FAT1: variants seen among roughly 807,000 people sequenced by gnomAD.
FAT1 encodes protocadherin Fat 1.
Under a neutral mutation model 329.8 loss-of-function variants are expected in FAT1, and 171 were observed. The observed-to-expected ratio is 0.52, with a 90% CI of 0.46 to 0.59. FAT1 has a LOEUF of 0.59. FAT1 is among the 20% of genes least tolerant of loss of function. FAT1 has a pLI of 0.00. For synonymous variants in FAT1, 2,233 were observed against 2,228.6 expected (o/e 1.00, Z -0.06); for missense variants, 5,672 against 5,774.4 (o/e 0.98, Z 0.57).
upstream of FAT1, chr4:186,726,384 TA>T (rs1745720558): frequency 1.3e-5 from 2 of 152,268 alleles, no homozygotes; most frequent in Admixed American, 1.3e-4. Flanking sequence ...CCCTGGGCTC[TA>T]AAGTCCTCGG....
intron 1 of FAT1, among the ~76,000 whole-genome samples, chr4:186,717,012 C>A (rs915516656): frequency 2.6e-5 from 4 of 152,122 alleles, no homozygotes; most frequent in Non-Finnish European, 1.5e-5. Flanking sequence ...AGTCATCCAC[C>A]CACCTCAGCC....
chr4:186,667,866 C>T (rs1016630048), intron 2 of FAT1, among the ~76,000 whole-genome samples: 3 of 152,156 alleles, frequency 2.0e-5, no homozygotes, highest in Admixed American at 6.5e-5. Context: ...GGAGCTGAGC[C>T]GGACAGTCTG....
chr4:186,706,504 T>C, intron 2 of FAT1, 59 bp downstream of exon 2: 1 of 1,397,256 alleles, frequency 7.2e-7, no homozygotes, highest in Non-Finnish European at 9.7e-7. Flanking sequence ...GGGCAGATGG[T>C]TAAAAAAAAA....
chr4:186,643,678 C>CG (rs773847750), intron 3 of FAT1, among the ~76,000 whole-genome samples: 19 of 152,236 alleles, frequency 1.2e-4, no homozygotes, highest in Admixed American at 3.3e-4. Context: ...CCTAACACCC[C>CG]GGGGAACGCT....
At chr4:186,593,606 G>A (rs748795069) in intron 26 of FAT1, among the ~76,000 whole-genome samples, 4 of 152,152 alleles carry the variant, frequency 2.6e-5, no homozygotes, top group African/African-American at 7.2e-5. Context: ...AGTTACGGCT[G>A]GGGGGAGCTC....
chr4:186,646,728 A>G (rs1217196958), intron 3 of FAT1, among the ~76,000 whole-genome samples: 1 of 50 alleles, frequency 0.02, no homozygotes, highest in Non-Finnish European at 0.071. Context: ...CCTACATAGA[A>G]AAAAAAAAAA....
chr4:186,677,583 T>A (rs1310371049), intron 2 of FAT1, among the ~76,000 whole-genome samples: 1 of 152,092 alleles, frequency 6.6e-6, no homozygotes, highest in Non-Finnish European at 1.5e-5. Context: ...CACACCTGTA[T>A]GTATCAGGAT....
intron 24 of FAT1, 24 bp from the exon 25 acceptor site, chr4:186,597,195 G>A (rs765693916): frequency 2.5e-6 from 4 of 1,574,396 alleles, no homozygotes; most frequent in Non-Finnish European, 3.4e-6. Flanking sequence ...CAGGAATGAG[G>A]AGAGACCTCT....
intron 25 of FAT1, 30 bp from the exon 26 acceptor site, chr4:186,595,856 T>A (rs566237123): frequency 6.2e-7 from 1 of 1,612,856 alleles, no homozygotes; most frequent in Non-Finnish European, 8.5e-7. Context: ...ACAGTAAGTA[T>A]ATGGGCCAAG....
rs1295290445 is a variant in FAT1 at position 186,601,309 on chromosome 4, A to G, written c.11600T>C (p.Val3867Ala). 1 of 1,611,152 alleles carries G rather than the reference A, an allele frequency of 6.2e-7. No individual in the cohort carries two copies. Among genetic ancestry groups the G allele is most frequent in the Non-Finnish European group, 8.5e-7 (1 of 1,177,624 alleles). ...GTCAGTTCCTCGAGCATACATGACA[A>G]CCGCATGCGTGGAATATGTTCTGAG... ...MRLRTYSTHA[V>A]VMYARGTDYS... The change falls in exon 21 of 27, where the codon GTT (valine) becomes GCT (alanine). Residue 3867 changes from valine (V) to alanine (A), a missense_variant. Val to Ala is a moderately conservative substitution (Grantham distance 64). This residue lies in a region of FAT1 where 1,706 missense variants were observed against 1,859.1 expected (regional missense o/e 0.92). Coordinates refer to ENST00000441802, the MANE Select transcript of FAT1 (RefSeq NM_005245.4).
At chr4:186,716,515 C>T (rs1745211883) in intron 1 of FAT1, among the ~76,000 whole-genome samples, 1 of 152,044 alleles carries the variant, frequency 6.6e-6, no homozygotes, top group African/African-American at 2.4e-5. Flanking sequence ...GCAGCACCAA[C>T]CTTCCAGGCT....
chr4:186,601,968 T>C (rs2126420139), intron 20 of FAT1, among the ~76,000 whole-genome samples: 1 of 152,296 alleles, frequency 6.6e-6, no homozygotes, highest in South Asian at 2.1e-4. Flanking sequence ...TGAATGTTAA[T>C]ACTCCTAATA....
rs1024878789 is a variant in FAT1, at chr4:186,628,697, C to T, written c.4390G>A (p.Val1464Ile). ...TCTGGCGCTGTATCTTCAGGAATAA[C>T]AACTTCATACTTTGATGTAGAAAAC... ...PQFSTSKYEV[V>I]IPEDTAPETE... Residue 1464 changes from valine (V) to isoleucine (I), a missense_variant, in exon 8 of 27, where the codon GTT becomes ATT. Transcript: ENST00000441802. The T allele has an allele frequency of 6.2e-7, 1 of 1,613,944 alleles. No individual in the cohort carries two copies. The highest frequency in any genetic ancestry group is 8.5e-7 in the Non-Finnish European group (1 of 1,179,874).
rs370663757 is a variant in FAT1, at chr4:186,667,377, C to T, written c.3266-3764G>A. 1.2e-4 allele frequency among the ~76,000 whole-genome samples: 19 copies of T among 152,246 alleles called. No homozygotes were observed. In the East Asian group the frequency reaches 1.5e-3, roughly 12 times the overall value. On this transcript the variant is annotated intron_variant, in intron 2 of 26. Transcript: ENST00000441802. The stretch of plus-strand genomic sequence containing the variant: ...AAAGGTTAAGACTGAGGCAACAAAG[C>T]GACTCTATTCAAATATCGGAGATTG...
rs140693328 is a variant in FAT1, at chr4:186,682,812, C to T, written c.3266-19199G>A. On this transcript the variant is annotated intron_variant, in intron 2 of 26. Transcript: ENST00000441802. Reference sequence around the variant, plus strand: ...TCCATGTCATCAGTGACTACAAACACCACTGAGGGCCCCAAGGGGGAACCA... The same window carrying T: ...TCCATGTCATCAGTGACTACAAACATCACTGAGGGCCCCAAGGGGGAACCA... Among the ~76,000 whole-genome samples the T allele has an allele frequency of 1.5e-4, 23 of 152,300 alleles. No individual in the cohort carries two copies. In the East Asian group the frequency reaches 4.3e-3, roughly 28 times the overall value.
intron 3 of FAT1, among the ~76,000 whole-genome samples, chr4:186,656,748 C>A (rs1741922203): frequency 6.6e-6 from 1 of 152,068 alleles, no homozygotes; most frequent in South Asian, 2.1e-4. Context: ...AGAAACATAA[C>A]CAGGATATTG....
chr4:186,707,259 C>T lies in FAT1; in HGVS notation c.2569G>A (p.Val857Met), dbSNP rs1425439780. 3.7e-6 allele frequency: 6 copies of T among 1,613,854 alleles called. No homozygotes were observed. The highest frequency in any genetic ancestry group is 1.3e-5 in the African/African-American group (1 of 74,928). The part of the protein sequence containing the change: ...TDKDLGPNGH[V>M]TYSIVTDTDT... The stretch of plus-strand genomic sequence containing the variant: ...GTGTCTGTAACAATTGAGTACGTCA[C>T]GTGTCCGTTGGGCCCCAGGTCTTTA... Residue 857 changes from valine (V) to methionine (M), a missense_variant, in exon 2 of 27, where the codon GTG becomes ATG. Around this residue, in one of 2 missense-constraint regions of FAT1, gnomAD observed 3,966 missense variants for 3,915.2 expected, o/e 1.01. Transcript: ENST00000441802.
chr4:186,670,989 T>C (rs1742700413), intron 2 of FAT1, among the ~76,000 whole-genome samples: 1 of 152,178 alleles, frequency 6.6e-6, no homozygotes, highest in African/African-American at 2.4e-5. Context: ...GTCAACAACG[T>C]GAGAAGCTGG....
chr4:186,638,060 G>C (rs911902512), intron 4 of FAT1, among the ~76,000 whole-genome samples: 1 of 152,112 alleles, frequency 6.6e-6, no homozygotes, highest in Non-Finnish European at 1.5e-5. Flanking sequence ...TCCTAACTTT[G>C]GGTTCAAGAA....
Sources: allele counts gnomAD v4.1 joint callset (sites outside exome capture counted in the v4.1 genomes callset), GRCh38; gene constraint gnomAD v4.1.1; regional missense constraint gnomAD v4.1.1; transcripts MANE v1.5; gene names NCBI Gene and HGNC (gene_info 2026-07-23, HGNC 2026-07-21).